KIRREL1: variants seen among roughly 807,000 people sequenced by gnomAD.
KIRREL1 encodes the protein kin of IRRE-like protein 1.
KIRREL1 carries 25 observed loss-of-function variants against 83.3 expected under a neutral mutation model. The ratio of observed to expected loss-of-function variants is 0.30; its 90% CI spans 0.22 to 0.42. The LOEUF (loss-of-function observed/expected upper bound fraction) is 0.42. Ranked by LOEUF, KIRREL1 falls within the 10% of genes least tolerant of loss-of-function variation. The probability of loss-of-function intolerance (pLI) is 1.00; values close to 1 mark genes in which losing one functional copy is unlikely to be tolerated. For synonymous variants in KIRREL1, 388 were observed against 410.4 expected, an observed-to-expected ratio of 0.95 and a Z score of 0.66; for missense variants, 812 against 1,032.3, an observed-to-expected ratio of 0.79 and a Z score of 2.92.
intron 1 of KIRREL1, among the ~76,000 whole-genome samples, chr1:158,044,244 A>G (rs1404453620): frequency 6.6e-6 from 1 of 152,134 alleles, no homozygotes; most frequent in Non-Finnish European, 1.5e-5. Flanking sequence ...GAAGGAGGTG[A>G]GCCCCCTTCT....
At chr1:158,033,066 C>T (rs565103046) in intron 1 of KIRREL1, among the ~76,000 whole-genome samples, 46 of 151,316 alleles carry the variant, frequency 3.0e-4, no homozygotes, top group African/African-American at 9.2e-4. Flanking sequence ...CCACTGCGCC[C>T]GGCCGGGATC....
intron 1 of KIRREL1, among the ~76,000 whole-genome samples, chr1:158,075,171 G>A (rs1273875713): frequency 6.6e-6 from 1 of 152,218 alleles, no homozygotes; most frequent in Non-Finnish European, 1.5e-5. Flanking sequence ...GTTGGAGCCA[G>A]TGGGTGGGAG....
At chr1:158,081,177 A>C (rs999951390) in intron 3 of KIRREL1, among the ~76,000 whole-genome samples, 1 of 98,966 alleles carries the variant, frequency 1.0e-5, no homozygotes, top group Non-Finnish European at 2.5e-5. Context: ...GGTGATGAGC[A>C]TGACTTCTGG....
intron 1 of KIRREL1, among the ~76,000 whole-genome samples, chr1:158,023,934 G>T (rs1327219429): frequency 6.6e-6 from 1 of 152,096 alleles, no homozygotes; most frequent in Non-Finnish European, 1.5e-5. Context: ...GAGACACAGG[G>T]TTTTTATTGT....
Position 158,078,027 on chromosome 1 carries a change from C to T in KIRREL1, c.239C>T (p.Ala80Val). 1.2e-6 allele frequency: 2 copies of T among 1,614,166 alleles called. No homozygotes were observed. Among genetic ancestry groups the T allele is most frequent in the Non-Finnish European group, 1.7e-6 (2 of 1,180,024 alleles). ...TACCGGGTTGTGGGCTCCGCAGACGCTGGGCAGTACAACCTGGAGATCACA... is the reference window on the plus strand; with the variant it reads ...TACCGGGTTGTGGGCTCCGCAGACGTTGGGCAGTACAACCTGGAGATCACA... The part of the protein sequence containing the change: ...PRYRVVGSAD[A>V]GQYNLEITDA... The change falls in exon 3 of 15, where the codon GCT becomes GTT. Residue 80 changes from alanine (A) to valine (V), a missense_variant. Coordinates refer to ENST00000359209, the MANE Select transcript of KIRREL1 (RefSeq NM_018240.7).
At chr1:158,029,583 G>A (rs972341143) in intron 1 of KIRREL1, among the ~76,000 whole-genome samples, 4 of 152,064 alleles carry the variant, frequency 2.6e-5, no homozygotes, top group Admixed American at 2.6e-4. Flanking sequence ...ATTCTCCTCC[G>A]ATGTACATCT....
At chr1:158,065,392 A>G (rs1182657095) in intron 1 of KIRREL1, among the ~76,000 whole-genome samples, 1 of 152,168 alleles carries the variant, frequency 6.6e-6, no homozygotes, top group East Asian at 1.9e-4. Context: ...CACTTGCCTT[A>G]ATTATGGAGC....
In KIRREL1 at chr1:158,088,343, A is replaced by C. The variant is rs763021707; in HGVS notation, c.933A>C (p.Val311=). 1 of 1,613,424 alleles carries C rather than the reference A, an allele frequency of 6.2e-7. No individual in the cohort carries two copies. The highest frequency in any genetic ancestry group is 8.5e-7 in the Non-Finnish European group (1 of 1,179,728). ...CCCTCACAGTTGCTCCCCGGATTGTAGTTGACCCCAAACCCACAACCACAG... is the reference window on the plus strand; with the variant it reads ...CCCTCACAGTTGCTCCCCGGATTGTCGTTGACCCCAAACCCACAACCACAG... ...LVNVHFAPRI[V]VDPKPTTTDI... The change falls in exon 8 of 15, where the codon GTA becomes GTC. Residue 311 remains valine (V), a synonymous_variant. Transcript: ENST00000359209.
In KIRREL1 at chr1:158,076,153, G is replaced by A. The variant is rs772892194; in HGVS notation, c.93G>A (p.Thr31=). ...TRFSQEPADQ[T]VVAGQRAVLP... ...TCAGCCAGGAGCCAGCTGACCAGAC[G>A]GTGGTGGCTGGACAGCGGGCCGTGC... Residue 31 remains threonine, a synonymous_variant, in exon 2 of 15, where the codon ACG becomes ACA. Transcript: ENST00000359209. 4.6e-5 allele frequency: 74 copies of A among 1,614,114 alleles called. No homozygotes were observed. In the African/African-American group the frequency reaches 6.8e-4, roughly 15 times the overall value.
Position 158,076,175 on chromosome 1 carries a change from G to C in KIRREL1, c.115G>C (p.Val39Leu). 6.2e-7 allele frequency: 1 copy of C among 1,614,050 alleles called. No individual in the cohort carries two copies. The highest frequency in any genetic ancestry group is 8.5e-7 in the Non-Finnish European group (1 of 1,179,954). ...GACGGTGGTGGCTGGACAGCGGGCC[G>C]TGCTCCCCTGTGTGCTGCTCAACTA... ...DQTVVAGQRAVLPCVLLNYSG... is the reference protein window; with the variant it reads ...DQTVVAGQRALLPCVLLNYSG... Residue 39 changes from valine (V) to leucine (L), a missense_variant, in exon 2 of 15, where the codon GTG becomes CTG. Around this residue, in one of 3 missense-constraint regions of KIRREL1, gnomAD observed 472 missense variants for 626.8 expected, o/e 0.75. Transcript: ENST00000359209.
rs117474765 is a variant in KIRREL1 at position 158,040,048 on chromosome 1, G to A, written c.53-36065G>A. ...AGGGGTTCTCCAGTGGAAAGCATGA[G>A]ACTGGGCCTCCCTTGCGTATTTTTC... On this transcript the variant is annotated intron_variant, in intron 1 of 14. Transcript: ENST00000359209. Among the ~76,000 whole-genome samples the A allele has an allele frequency of 5.2e-4, 79 of 152,364 alleles. 2 individuals are homozygous for A. The East Asian group carries it at 0.014, about 27-fold the overall frequency.
In KIRREL1 at chr1:158,087,843, C is replaced by T. The variant is rs36008419; in HGVS notation, c.750C>T (p.Pro250=). Residue 250 remains proline (P), a synonymous_variant, in exon 6 of 15, where the codon CCC becomes CCT. Transcript: ENST00000359209. The part of the protein sequence containing the change: ...VVFTCQATAN[P]EILGYRWAKG... ...TTACCTGCCAGGCCACAGCCAACCCCGAGATCTTGGGCTACAGGTGAGGGG... is the reference window on the plus strand; with the variant it reads ...TTACCTGCCAGGCCACAGCCAACCCTGAGATCTTGGGCTACAGGTGAGGGG... 1.4e-5 allele frequency: 23 copies of T among 1,613,392 alleles called. No homozygotes were observed. The highest frequency in any genetic ancestry group is 8.9e-5 in the East Asian group (4 of 44,830).
At chr1:158,091,581 C>G (rs370868748) in intron 11 of KIRREL1, 25 bp downstream of exon 11, 10 of 1,610,562 alleles carry the variant, frequency 6.2e-6, no homozygotes, top group Non-Finnish European at 7.6e-6. Context: ...TGCCTGCCAG[C>G]TGGGGTGCAG....
intron 1 of KIRREL1, among the ~76,000 whole-genome samples, chr1:158,056,968 C>T (rs1038758172): frequency 6.6e-5 from 10 of 152,164 alleles, no homozygotes; most frequent in Admixed American, 5.2e-4. Flanking sequence ...GCATCTTTGC[C>T]ACTCCCATCT....
intron 1 of KIRREL1, among the ~76,000 whole-genome samples, chr1:158,003,273 T>C (rs898755940): frequency 1.3e-5 from 2 of 152,004 alleles, no homozygotes; most frequent in Admixed American, 6.5e-5. Flanking sequence ...GGAGAGAACA[T>C]AGTAGAGAGA....
At chr1:158,031,670 C>CT (rs1660330412) in intron 1 of KIRREL1, among the ~76,000 whole-genome samples, 1 of 152,160 alleles carries the variant, frequency 6.6e-6, no homozygotes, top group South Asian at 2.1e-4. Context: ...ATTCCTGAGG[C>CT]TGATTGACCC....
At chr1:157,993,869 C>A in intron 1 of KIRREL1, 141 bp downstream of exon 1, 1 of 487,182 alleles carries the variant, frequency 2.1e-6, no homozygotes, top group Non-Finnish European at 3.6e-6. Flanking sequence ...GGGCTCGGTC[C>A]GGGCGCAGAG....
intron 11 of KIRREL1, 67 bp from the exon 12 acceptor site, chr1:158,093,272 C>A: frequency 7.4e-7 from 1 of 1,354,558 alleles, no homozygotes; most frequent in Non-Finnish European, 1.1e-6. Context: ...AGCCTTTAGC[C>A]AGCACTGAGC....
intron 1 of KIRREL1, among the ~76,000 whole-genome samples, chr1:158,060,777 T>A (rs1661195142): frequency 6.6e-6 from 1 of 151,904 alleles, no homozygotes; most frequent in East Asian, 1.9e-4. Context: ...AATGCTGGAG[T>A]CGGGGCTTGA....
Sources: gnomAD v4.1 joint callset for allele counts (sites outside exome capture counted in the v4.1 genomes callset) on GRCh38, gnomAD v4.1.1 for gene constraint, gnomAD v4.1.1 regional missense constraint, MANE v1.5 for transcripts, NCBI Gene and HGNC (gene_info 2026-07-23, HGNC 2026-07-21) for gene names.